The following DPY19L3 variants were observed in gnomAD, a reference collection of about 807,000 sequenced individuals.
DPY19L3 encodes protein C-mannosyl-transferase DPY19L3.
A neutral mutation model predicts 92.3 loss-of-function variants in DPY19L3; 51 were observed. The ratio of observed to expected loss-of-function variants is 0.55; its 90% CI spans 0.44 to 0.70. DPY19L3 has a LOEUF of 0.70. DPY19L3 is among the 30% of genes least tolerant of loss of function. The probability of loss-of-function intolerance (pLI) is 0.00; values close to 1 mark genes in which losing one functional copy is unlikely to be tolerated. For synonymous variants in DPY19L3, 309 were observed against 315.2 expected, an observed-to-expected ratio of 0.98 and a Z score of 0.21; for missense variants, 706 against 855.9, an observed-to-expected ratio of 0.82 and a Z score of 2.18.
intron 8 of DPY19L3, among the ~76,000 whole-genome samples, chr19:32,443,300 T>C (rs1281558665): frequency 1.3e-5 from 2 of 152,222 alleles, no homozygotes; most frequent in Non-Finnish European, 2.9e-5. Flanking sequence ...CGTCTGAAAG[T>C]ACTGAGGCAG....
At chr19:32,445,461 ACC>A (rs1969467147) in intron 8 of DPY19L3, among the ~76,000 whole-genome samples, 2 of 149,008 alleles carry the variant, frequency 1.3e-5, no homozygotes, top group East Asian at 2.0e-4. Flanking sequence ...AAAAAAAAAA[ACC>A]ATCAACCTAC....
intron 6 of DPY19L3, among the ~76,000 whole-genome samples, chr19:32,438,387 T>C (rs1003565223): frequency 3.3e-5 from 5 of 152,166 alleles, no homozygotes; most frequent in Non-Finnish European, 7.3e-5. Flanking sequence ...ATTGAGGCTT[T>C]AAAGGTTACA....
chr19:32,452,777 T>C (rs373768614), intron 8 of DPY19L3, among the ~76,000 whole-genome samples: 2 of 152,262 alleles, frequency 1.3e-5, no homozygotes, highest in Admixed American at 1.3e-4. Flanking sequence ...CACTGCAGCC[T>C]CTGCCTCCCA....
At chr19:32,465,540 C>T (rs554052989) in intron 15 of DPY19L3, among the ~76,000 whole-genome samples, 200 of 152,074 alleles carry the variant, frequency 1.3e-3, no homozygotes, top group African/African-American at 4.0e-3. Flanking sequence ...TAAGTTAAAA[C>T]GACGGATTTC....
rs536911794 is a variant in DPY19L3, at chr19:32,467,688, A to G, written c.1615-1043A>G. ...AGTATTATATTTTCTACGTCAGTGG[A>G]GCATACATACATTGTCATTGGTCTT... On this transcript the variant is annotated intron_variant, in intron 15 of 18. Transcript: ENST00000392250. 4.8e-3 allele frequency: 4,787 copies of G among 987,562 alleles called. 18 individuals carry two copies. The highest frequency in any genetic ancestry group is 5.5e-3 in the Non-Finnish European group (4,591 of 830,058). The allele number at this position is 987,562 out of a possible 1,614,324, so 61.2% of individuals were successfully genotyped here.
Position 32,470,337 on chromosome 19 carries a change from G to A in DPY19L3, c.1697+1524G>A, listed in dbSNP as rs149027929. ...CTATAGTCAGCTGGAAATTTATGAC[G>A]TACATCTGAAGTTGAGGCTGATATT... On this transcript the variant is annotated intron_variant, in intron 16 of 18. Coordinates refer to ENST00000392250, the MANE Select transcript of DPY19L3 (RefSeq NM_001172774.2). 4.9e-4 allele frequency among the ~76,000 whole-genome samples: 74 copies of A among 152,236 alleles called. No homozygotes were observed. The East Asian group carries it at 0.013, about 27-fold the overall frequency.
intron 2 of DPY19L3, among the ~76,000 whole-genome samples, chr19:32,410,732 G>A (rs555024984): frequency 2.0e-5 from 3 of 152,202 alleles, no homozygotes; most frequent in Admixed American, 6.5e-5. Context: ...GCAGTGAACC[G>A]AGATTGCACT....
chr19:32,456,528 C>T (rs1193932992), intron 10 of DPY19L3, among the ~76,000 whole-genome samples: 1 of 151,864 alleles, frequency 6.6e-6, no homozygotes, highest in Admixed American at 6.6e-5. Flanking sequence ...TCTTGACCTC[C>T]TGGGCTCAAG....
chr19:32,407,557 A>C (rs754407767), intron 1 of DPY19L3, among the ~76,000 whole-genome samples: 6 of 152,334 alleles, frequency 3.9e-5, no homozygotes, highest in Non-Finnish European at 8.8e-5. Flanking sequence ...CTGTGTAGTT[A>C]CGTGACGCAT....
intron 15 of DPY19L3, among the ~76,000 whole-genome samples, chr19:32,465,690 A>G (rs562919691): frequency 6.6e-6 from 1 of 152,242 alleles, no homozygotes; most frequent in South Asian, 2.1e-4. Flanking sequence ...TTTGTGAACC[A>G]AAGGTTTCAG....
At chr19:32,457,934 G>A (rs1241312526) in intron 10 of DPY19L3, among the ~76,000 whole-genome samples, 166 bp from the exon 11 acceptor site, 1 of 152,160 alleles carries the variant, frequency 6.6e-6, no homozygotes, top group East Asian at 1.9e-4. Flanking sequence ...GGAAGTCCCT[G>A]CTTTGGAATT....
intron 12 of DPY19L3, among the ~76,000 whole-genome samples, chr19:32,462,741 T>C (rs1970079012): frequency 6.6e-6 from 1 of 152,216 alleles, no homozygotes; most frequent in Non-Finnish European, 1.5e-5. Context: ...AACATGCAGT[T>C]CTTAGATCCT....
At chr19:32,444,514 C>A (rs1193275152) in intron 8 of DPY19L3, among the ~76,000 whole-genome samples, 1 of 152,002 alleles carries the variant, frequency 6.6e-6, no homozygotes, top group African/African-American at 2.4e-5. Context: ...CAGAAGAAGA[C>A]AAGAAAAGAG....
At chr19:32,422,419 T>C (rs1385484923) in intron 3 of DPY19L3, among the ~76,000 whole-genome samples, 1 of 152,182 alleles carries the variant, frequency 6.6e-6, no homozygotes, top group Non-Finnish European at 1.5e-5. Context: ...ATAGAAATTA[T>C]GACCGTCTCA....
Position 32,452,999 on chromosome 19 carries a change from G to T in DPY19L3, c.856-146G>T, listed in dbSNP as rs370066982. Reference sequence around the variant, plus strand: ...TGAGATTACAGATGTGAGCCACCGCGCCTGGCCTAGATTGTGTTTCTTGAA... The same window carrying T: ...TGAGATTACAGATGTGAGCCACCGCTCCTGGCCTAGATTGTGTTTCTTGAA... On this transcript the variant is annotated intron_variant, in intron 8 of 18. Coordinates refer to ENST00000392250, the MANE Select transcript of DPY19L3 (RefSeq NM_001172774.2). 18 of 932,956 alleles carry T rather than the reference G, an allele frequency of 1.9e-5. No individual in the cohort carries two copies. In the African/African-American group the frequency reaches 2.2e-4, roughly 11 times the overall value. 57.8% of individuals were successfully genotyped at this position (932,956 alleles called of 1,614,324 possible).
intron 3 of DPY19L3, among the ~76,000 whole-genome samples, chr19:32,426,815 G>C (rs1364369154): frequency 1.3e-5 from 2 of 152,228 alleles, no homozygotes; most frequent in African/African-American, 4.8e-5. Context: ...GAGACAAAAA[G>C]TGAGCAATAG....
chr19:32,434,894 T>C (rs1969088007), intron 4 of DPY19L3, among the ~76,000 whole-genome samples: 1 of 152,082 alleles, frequency 6.6e-6, no homozygotes, highest in South Asian at 2.1e-4. Context: ...AGGCCACTAA[T>C]CCCATCATGA....
chr19:32,425,160 A>G (rs1047330295), intron 3 of DPY19L3, among the ~76,000 whole-genome samples: 4 of 152,228 alleles, frequency 2.6e-5, no homozygotes, highest in African/African-American at 9.6e-5. Flanking sequence ...ATAACTGTGG[A>G]GTAGGCCAAA....
At position 32,463,658 on chromosome 19, in the gene DPY19L3, A is replaced by G. The variant is rs372788189; in HGVS notation, c.1445+170A>G. ...AAAATACTCAACATCAGTTTTTACAATTAATTACAAACACGCCTCTATGTT... is the reference window on the plus strand; with the variant it reads ...AAAATACTCAACATCAGTTTTTACAGTTAATTACAAACACGCCTCTATGTT... On this transcript the variant is annotated intron_variant, in intron 13 of 18. Coordinates refer to ENST00000392250, the MANE Select transcript of DPY19L3 (RefSeq NM_001172774.2). 8.5e-5 allele frequency among the ~76,000 whole-genome samples: 13 copies of G among 152,230 alleles called. No individual in the cohort carries two copies. Among genetic ancestry groups the G allele is most frequent in the Non-Finnish European group, 1.0e-4 (7 of 68,046 alleles).
Sources: gnomAD v4.1 joint callset for allele counts (sites outside exome capture counted in the v4.1 genomes callset) on GRCh38, gnomAD v4.1.1 for gene constraint, MANE v1.5 for transcripts, NCBI Gene and HGNC (gene_info 2026-07-23, HGNC 2026-07-21) for gene names.